Variants in DCLRE1C observed in about 807,000 individuals in gnomAD.
DCLRE1C encodes DNA cross-link repair 1C, also known as protein artemis.
In DCLRE1C, 47 loss-of-function variants were observed where a neutral mutation model predicts 61.4. The observed-to-expected ratio is 0.77, with a 90% CI of 0.61 to 0.98. The LOEUF (loss-of-function observed/expected upper bound fraction) is 0.98. Among genes scored for constraint, DCLRE1C ranks in the 50% least tolerant of loss-of-function variants. The probability of loss-of-function intolerance (pLI) is 0.00; values close to 1 mark genes in which losing one functional copy is unlikely to be tolerated. For synonymous variants in DCLRE1C, 337 were observed against 287.6 expected (o/e 1.17, Z -1.74); for missense variants, 858 against 816.0 (o/e 1.05, Z -0.63).
rs180741686 is a variant in DCLRE1C, at chr10:14,951,185, C to A, written c.110-2098G>T. On this transcript the variant is annotated intron_variant, in intron 1 of 13. Coordinates refer to ENST00000378278, the MANE Select transcript of DCLRE1C (RefSeq NM_001033855.3). Reference sequence around the variant, plus strand: ...CCTGCACCCAGGAGTTCGATACCAGCCTGGGCAACATGGGGAAATCCTGTC... The same window carrying A: ...CCTGCACCCAGGAGTTCGATACCAGACTGGGCAACATGGGGAAATCCTGTC... Among the ~76,000 whole-genome samples the A allele has an allele frequency of 1.4e-3, 209 of 152,040 alleles. 1 individual carries two copies. The highest frequency in any genetic ancestry group is 4.6e-3 in the African/African-American group (192 of 41,476).
chr10:14,897,842 G>C (rs1833694281), exon 14 of DCLRE1C: 2 of 173,080 alleles, frequency 1.2e-5, no homozygotes, highest in African/African-American at 4.7e-5. Flanking sequence ...AAACTCAGAT[G>C]TAACACATGC....
chr10:14,943,891 A>C (rs1841269351), intron 3 of DCLRE1C, among the ~76,000 whole-genome samples: 1 of 152,144 alleles, frequency 6.6e-6, no homozygotes, highest in Non-Finnish European at 1.5e-5. Context: ...TTGTCTTTTG[A>C]CCAAAGGTAC....
At position 14,932,940 on chromosome 10, in the gene DCLRE1C, G is replaced by C. The variant is rs781424298; in HGVS notation, c.694C>G (p.Leu232Val). The C allele has an allele frequency of 9.3e-6, 15 of 1,614,164 alleles. 3 individuals carry two copies. The South Asian group carries it at 1.6e-4, about 18-fold the overall frequency. Reference protein sequence around the residue: ...ELGVQVHVNKLDMFRNMPEIL... With the variant: ...ELGVQVHVNKVDMFRNMPEIL... ...TCAGGCATGTTCCTAAACATGTCTA[G>C]CTTATTCACATGAACCTAAGGCAAA... Residue 232 changes from leucine to valine, a missense_variant, in exon 9 of 14, where the codon CTA (leucine) becomes GTA (valine). Physicochemically the swap from Leu to Val is conservative, Grantham distance 32. Transcript: ENST00000378278.
chr10:14,914,208 T>G (rs1835780810), intron 13 of DCLRE1C, among the ~76,000 whole-genome samples: 1 of 152,146 alleles, frequency 6.6e-6, no homozygotes, highest in African/African-American at 2.4e-5. Flanking sequence ...AAAAGATACA[T>G]CAAGCCAATA....
chr10:14,936,423 C>A, intron 5 of DCLRE1C, 115 bp downstream of exon 5: 1 of 769,976 alleles, frequency 1.3e-6, no homozygotes, highest in South Asian at 1.5e-5. Flanking sequence ...ACTGGGATTA[C>A]AGACATGTGC....
chr10:14,943,050 C>T (rs1057400688), intron 3 of DCLRE1C, among the ~76,000 whole-genome samples: 1 of 152,116 alleles, frequency 6.6e-6, no homozygotes, highest in Admixed American at 6.6e-5. Context: ...TTGCTTGAAC[C>T]GGTTAGATGG....
At chr10:14,915,646 A>G (rs1836058820) in intron 13 of DCLRE1C, among the ~76,000 whole-genome samples, 1 of 151,930 alleles carries the variant, frequency 6.6e-6, no homozygotes, top group African/African-American at 2.4e-5. Flanking sequence ...AGTTAAAAAA[A>G]AAAAACCTTC....
intron 13 of DCLRE1C, among the ~76,000 whole-genome samples, chr10:14,912,752 T>G (rs969438696): frequency 2.0e-5 from 3 of 152,234 alleles, no homozygotes; most frequent in Non-Finnish European, 4.4e-5. Context: ...TGCAGTGGTG[T>G]GATCTCACTG....
rs41300692 is a variant in DCLRE1C, at chr10:14,907,283, A to G, written c.*1125T>C. On this transcript the variant is annotated 3_prime_UTR_variant, in exon 14 of 14. Coordinates refer to ENST00000378278, the MANE Select transcript of DCLRE1C (RefSeq NM_001033855.3). ...GGTGCTGATTTTGTCTATAGCCATCAGTTTATCATACTAGATCCAAGTTTG... is the reference window on the plus strand; with the variant it reads ...GGTGCTGATTTTGTCTATAGCCATCGGTTTATCATACTAGATCCAAGTTTG... Among the ~76,000 whole-genome samples, 1,394 of 150,464 alleles carry G rather than the reference A, an allele frequency of 9.3e-3. 20 individuals carry two copies. Among genetic ancestry groups the G allele is most frequent in the African/African-American group, 0.032 (1,321 of 40,774 alleles).
intron 9 of DCLRE1C, among the ~76,000 whole-genome samples, chr10:14,930,851 C>A (rs912386462): frequency 1.3e-5 from 2 of 152,060 alleles, no homozygotes; most frequent in African/African-American, 2.4e-5. Flanking sequence ...AGAAATAAAT[C>A]CCTGAATGCA....
chr10:14,899,317 T>TA, intron 13 of DCLRE1C: 1 of 683,228 alleles, frequency 1.5e-6, no homozygotes, highest in Non-Finnish European at 2.6e-6. Flanking sequence ...GAGACCCTGT[T>TA]TAAAAAAAAA....
At chr10:14,927,010 G>A (rs41259644) in intron 10 of DCLRE1C, 113 bp from the exon 11 acceptor site, 34,085 of 816,486 alleles carry the variant, frequency 0.042, 1,918 homozygotes, top group African/African-American at 0.19. Context: ...TAATGGGCTC[G>A]CTTCAGCAGC....
At chr10:14,950,208 C>T (rs1046661874) in intron 1 of DCLRE1C, among the ~76,000 whole-genome samples, 3 of 151,854 alleles carry the variant, frequency 2.0e-5, no homozygotes, top group African/African-American at 4.8e-5. Flanking sequence ...GGGCTGGTGG[C>T]GCATGGCTGT....
At chr10:14,929,106 G>A (rs575464470) in intron 9 of DCLRE1C, among the ~76,000 whole-genome samples, 9 of 152,116 alleles carry the variant, frequency 5.9e-5, no homozygotes, top group Non-Finnish European at 1.0e-4. Flanking sequence ...CAACTTTACT[G>A]TTTAAGAAGT....
At chr10:14,940,302 T>C (rs74961497) in intron 3 of DCLRE1C, among the ~76,000 whole-genome samples, 1 of 151,150 alleles carries the variant, frequency 6.6e-6, no homozygotes, top group Non-Finnish European at 1.5e-5. Flanking sequence ...TTTTTTTTTT[T>C]TTCTCAGATG....
rs575242970 is a variant in DCLRE1C, at chr10:14,907,530, G to C, written c.*878C>G. 7.2e-4 allele frequency among the ~76,000 whole-genome samples: 110 copies of C among 152,084 alleles called. 1 individual carries two copies. The Middle Eastern group carries it at 0.031, about 42-fold the overall frequency. ...GTTAAATTAATCCCTAGCTGTAATT[G>C]TGCATTAGTTTGTCTCTTTTCAGCT... On this transcript the variant is annotated 3_prime_UTR_variant, in exon 14 of 14. Transcript: ENST00000378278.
At chr10:14,941,322 T>C (rs1456564986) in intron 3 of DCLRE1C, among the ~76,000 whole-genome samples, 1 of 152,242 alleles carries the variant, frequency 6.6e-6, no homozygotes, top group Non-Finnish European at 1.5e-5. Context: ...TCTCGCTGTG[T>C]TAGCCAGCCT....
chr10:14,918,447 G>C (rs1056754714), intron 13 of DCLRE1C, among the ~76,000 whole-genome samples: 1 of 152,192 alleles, frequency 6.6e-6, no homozygotes, highest in South Asian at 2.1e-4. Context: ...ATCAGTGGAT[G>C]CCTTGGCATG....
chr10:14,942,625 G>A (rs1454929924), intron 3 of DCLRE1C, among the ~76,000 whole-genome samples: 5 of 152,188 alleles, frequency 3.3e-5, no homozygotes, highest in African/African-American at 1.2e-4. Context: ...CTTTCGGGGA[G>A]GGCAGTGCAG....
Sources: allele counts gnomAD v4.1 joint callset (sites outside exome capture counted in the v4.1 genomes callset), GRCh38; gene constraint gnomAD v4.1.1; transcripts MANE v1.5; gene names NCBI Gene and HGNC (gene_info 2026-07-23, HGNC 2026-07-21).